LRGUK: variants seen among roughly 807,000 people sequenced by gnomAD.
LRGUK encodes the protein leucine rich repeats and guanylate kinase domain containing.
LRGUK carries 65 observed loss-of-function variants against 76.0 expected under a neutral mutation model. That is an observed-to-expected ratio of 0.85 (90% confidence interval 0.70 to 1.05). The LOEUF is 1.05. Ranked by LOEUF, LRGUK falls within the 50% of genes least tolerant of loss-of-function variation. LRGUK has a pLI of 0.00. For synonymous variants in LRGUK, 268 were observed against 265.6 expected, an observed-to-expected ratio of 1.01 and a Z score of -0.09; for missense variants, 758 against 732.8, an observed-to-expected ratio of 1.03 and a Z score of -0.40.
chr7:134,265,323 TA>T (rs1252877263), downstream of LRGUK, among the ~76,000 whole-genome samples: 2 of 152,270 alleles, frequency 1.3e-5, no homozygotes, highest in African/African-American at 4.8e-5. Context: ...CGAATACAGC[TA>T]AAACCCTGAA....
chr7:134,199,811 T>A (rs943465818), intron 14 of LRGUK, among the ~76,000 whole-genome samples: 2 of 151,430 alleles, frequency 1.3e-5, no homozygotes, highest in African/African-American at 4.8e-5. Flanking sequence ...CAAAATATTA[T>A]AACTTAAAAA....
intron 3 of LRGUK, among the ~76,000 whole-genome samples, chr7:134,141,204 A>AC (rs1216705195): frequency 6.6e-6 from 1 of 152,020 alleles, no homozygotes; most frequent in Non-Finnish European, 1.5e-5. Flanking sequence ...TGTGTAAAGT[A>AC]CCGCATATGT....
At chr7:134,153,672 C>A (rs2116892006) in intron 5 of LRGUK, among the ~76,000 whole-genome samples, 2 of 152,330 alleles carry the variant, frequency 1.3e-5, no homozygotes, top group East Asian at 3.9e-4. Context: ...CTGAATTCCA[C>A]TGTTTTTCCC....
exon 2 of LRGUK, chr7:134,137,065 G>A: frequency 1.2e-6 from 2 of 1,613,608 alleles, no homozygotes; most frequent in Non-Finnish European, 1.7e-6. Flanking sequence ...TGTGGCCAAA[G>A]CACTCCATCA....
At chr7:134,265,876 G>A (rs573552728), downstream of LRGUK, among the ~76,000 whole-genome samples, 2 of 152,266 alleles carry the variant, frequency 1.3e-5, no homozygotes, top group South Asian at 4.1e-4. Flanking sequence ...GTCTCATGAA[G>A]AGCCAGGACT....
chr7:134,255,298 G>A (rs941039305), intron 18 of LRGUK, among the ~76,000 whole-genome samples: 1 of 150,574 alleles, frequency 6.6e-6, no homozygotes, highest in Non-Finnish European at 1.5e-5. Flanking sequence ...AGAAAAAAAT[G>A]CTGTCATTTT....
the LRGUK span, among the ~76,000 whole-genome samples, chr7:134,275,729 C>T: frequency 1.3e-5 from 2 of 152,036 alleles, no homozygotes; most frequent in Non-Finnish European, 1.5e-5. Context: ...ACCACATTAA[C>T]CAGGTTTATC....
chr7:134,129,118 C>A (rs1797166347), intron 1 of LRGUK, among the ~76,000 whole-genome samples: 1 of 140,384 alleles, frequency 7.1e-6, no homozygotes, highest in African/African-American at 2.7e-5. Flanking sequence ...GCCTTCCCCT[C>A]CCTCCCTCTT....
chr7:134,217,039 A>G (rs1195039925), intron 15 of LRGUK, among the ~76,000 whole-genome samples: 1 of 152,100 alleles, frequency 6.6e-6, no homozygotes, highest in Non-Finnish European at 1.5e-5. Context: ...CTTTCCCAAA[A>G]TCTGCTATAT....
chr7:134,127,389 C>G (rs201330287), exon 1 of LRGUK: 1 of 1,612,280 alleles, frequency 6.2e-7, no homozygotes, highest in South Asian at 1.1e-5. Flanking sequence ...CGAGAGGGCT[C>G]TCCTGAGGAC....
chr7:134,210,234 C>T (rs1801194969), exon 16 of LRGUK: 1 of 398,990 alleles, frequency 2.5e-6, no homozygotes, highest in Admixed American at 4.4e-5. Context: ...CCCAGCCCTC[C>T]TCTTGTTTCT....
intron 11 of LRGUK, among the ~76,000 whole-genome samples, chr7:134,186,017 A>G (rs1050369631): frequency 1.3e-5 from 2 of 152,214 alleles, no homozygotes; most frequent in Non-Finnish European, 2.9e-5. Context: ...TGGAAGGACA[A>G]ACTAGGGCAA....
downstream of LRGUK, among the ~76,000 whole-genome samples, chr7:134,269,350 C>CTTTTTT (rs71172445): frequency 2.4e-4 from 30 of 123,890 alleles, 1 homozygote; most frequent in African/African-American, 8.3e-4. Context: ...GATTTCAATT[C>CTTTTTT]TTTTTTTTTT....
chr7:134,239,039 C>A (rs879648092), intron 16 of LRGUK, among the ~76,000 whole-genome samples: 3 of 152,188 alleles, frequency 2.0e-5, no homozygotes, highest in Non-Finnish European at 4.4e-5. Flanking sequence ...CCCAGGGGGT[C>A]AGTTTCAAGA....
chr7:134,140,269 C>T (rs1254445544), intron 3 of LRGUK, among the ~76,000 whole-genome samples: 1 of 152,142 alleles, frequency 6.6e-6, no homozygotes, highest in Non-Finnish European at 1.5e-5. Flanking sequence ...TGTGCCCGGG[C>T]CTACATTTTG....
chr7:134,225,064 A>G (rs1288456641), intron 16 of LRGUK, among the ~76,000 whole-genome samples: 1 of 151,574 alleles, frequency 6.6e-6, no homozygotes, highest in Non-Finnish European at 1.5e-5. Flanking sequence ...AAAAGAAAAA[A>G]AAAAAAGTGT....
exon 20 of LRGUK, chr7:134,264,042 C>T: frequency 1.3e-6 from 2 of 1,501,292 alleles, no homozygotes; most frequent in East Asian, 2.4e-5. Context: ...CCTTGCCTTA[C>T]CTGGCCATGG....
At chr7:134,167,997 A>T (rs1018603783) in intron 7 of LRGUK, among the ~76,000 whole-genome samples, 1 of 152,152 alleles carries the variant, frequency 6.6e-6, no homozygotes, top group Non-Finnish European at 1.5e-5. Flanking sequence ...TGTTAACTTC[A>T]TGAGCTCTGG....
At chr7:134,267,934 A>G (rs1475337553), downstream of LRGUK, among the ~76,000 whole-genome samples, 1 of 151,780 alleles carries the variant, frequency 6.6e-6, no homozygotes, top group Non-Finnish European at 1.5e-5. Flanking sequence ...TTAAAAAAAA[A>G]TATGTTGAAC....
Sources: gnomAD v4.1 joint callset for allele counts (sites outside exome capture counted in the v4.1 genomes callset) on GRCh38, gnomAD v4.1.1 for gene constraint, MANE v1.5 for transcripts, NCBI Gene and HGNC (gene_info 2026-07-23, HGNC 2026-07-21) for gene names.